GALNT7: variants seen among roughly 807,000 people sequenced by gnomAD.
GALNT7 encodes N-acetylgalactosaminyltransferase 7.
A neutral mutation model predicts 82.1 loss-of-function variants in GALNT7; 60 were observed. The observed-to-expected ratio is 0.73, with a 90% CI of 0.59 to 0.91. The LOEUF (loss-of-function observed/expected upper bound fraction) is 0.91, where lower values mean the gene tolerates loss of function less well. Ranked by LOEUF, GALNT7 falls within the 40% of genes least tolerant of loss-of-function variation. GALNT7 has a pLI of 0.00. For missense variants in GALNT7, 660 were observed against 804.2 expected, an observed-to-expected ratio of 0.82 and a Z score of 2.17; for synonymous variants, 243 against 275.1, an observed-to-expected ratio of 0.88 and a Z score of 1.15.
chr4:173,303,970 T>C, intron 7 of GALNT7, 26 bp from the exon 8 acceptor site: 1 of 1,587,296 alleles, frequency 6.3e-7, no homozygotes. Context: ...TTGAAACAAC[T>C]TTCACAACGT....
intron 1 of GALNT7, among the ~76,000 whole-genome samples, chr4:173,208,934 A>C (rs915387276): frequency 6.6e-5 from 10 of 152,140 alleles, no homozygotes; most frequent in African/African-American, 2.4e-4. Context: ...ACTTTTGTGA[A>C]TTACTTCTTA....
chr4:173,185,529 G>T (rs1732438244), intron 1 of GALNT7, among the ~76,000 whole-genome samples: 1 of 152,026 alleles, frequency 6.6e-6, no homozygotes, highest in East Asian at 1.9e-4. Flanking sequence ...AATAATACAG[G>T]TACTGCATTT....
intron 1 of GALNT7, among the ~76,000 whole-genome samples, chr4:173,186,204 T>C (rs1187299411): frequency 1.3e-5 from 2 of 152,236 alleles, no homozygotes; most frequent in African/African-American, 4.8e-5. Flanking sequence ...CTAAATGTTC[T>C]AGAGAAATTA....
At chr4:173,237,691 G>T (rs1215268137) in intron 1 of GALNT7, among the ~76,000 whole-genome samples, 1 of 150,666 alleles carries the variant, frequency 6.6e-6, no homozygotes. Flanking sequence ...GCTGGTATTA[G>T]ATTATAAAAT....
rs763567726 is a variant in GALNT7 at position 173,318,494 on chromosome 4, G to C, written c.1771G>C (p.Asp591His). Residue 591 changes from aspartate (D) to histidine (H), a missense_variant, in exon 11 of 12, where the codon GAT (aspartate) becomes CAT (histidine). Physicochemically the swap from Asp to His is moderately conservative, Grantham distance 81. This residue lies in a region of GALNT7 where 527 missense variants were observed against 683.5 expected (regional missense o/e 0.77). Transcript: ENST00000265000. ...TGACCAGTGTTTGACAAAGGGAGCT[G>C]ATGGATCAAAAGTTATGATTACACA... ...QYDQCLTKGA[D>H]GSKVMITHCN... is the part of the protein sequence containing the mutation. The C allele has an allele frequency of 6.3e-7, 1 of 1,586,202 alleles. No homozygotes were observed. The highest frequency in any genetic ancestry group is 8.7e-7 in the Non-Finnish European group (1 of 1,155,724).
chr4:173,190,296 G>T (rs930687822), intron 1 of GALNT7, among the ~76,000 whole-genome samples: 1 of 152,218 alleles, frequency 6.6e-6, no homozygotes, highest in Non-Finnish European at 1.5e-5. Flanking sequence ...TCACCTGTAC[G>T]TGTCACTTTC....
At position 173,246,983 on chromosome 4, in the gene GALNT7, T is replaced by A. The variant is rs142679934; in HGVS notation, c.127-997T>A. ...CTAATTATAACGAGCAGCCCTCCCA[T>A]TAAGCCAGTGATTCTCAGGCTTAGA... On this transcript the variant is annotated intron_variant, in intron 1 of 11. Coordinates refer to ENST00000265000, the MANE Select transcript of GALNT7 (RefSeq NM_017423.3). Among the ~76,000 whole-genome samples, 601 of 152,204 alleles carry A rather than the reference T, an allele frequency of 3.9e-3. 6 individuals are homozygous for A. The highest frequency in any genetic ancestry group is 0.014 in the African/African-American group (581 of 41,528).
intron 1 of GALNT7, among the ~76,000 whole-genome samples, chr4:173,178,070 C>A: frequency 6.8e-6 from 1 of 147,946 alleles, no homozygotes; most frequent in Non-Finnish European, 1.5e-5. Flanking sequence ...CGCGCGTGCG[C>A]ACAGACACCT....
chr4:173,170,322 A>G (rs1030028946), intron 1 of GALNT7, among the ~76,000 whole-genome samples: 1 of 152,202 alleles, frequency 6.6e-6, no homozygotes, highest in Non-Finnish European at 1.5e-5. Flanking sequence ...CATCGCTTCT[A>G]TGTCATGTTT....
rs1327510398 is a variant in GALNT7 at position 173,168,923 on chromosome 4, C to T, written c.88C>T (p.Pro30Ser). Reference sequence around the variant, plus strand: ...AGTGGTCCTCTGGTCTTCCCTGACCCCGCGGCCGGACGACCCAAGCCCGCT... The same window carrying T: ...AGTGGTCCTCTGGTCTTCCCTGACCTCGCGGCCGGACGACCCAAGCCCGCT... ...GLVVLWSSLT[P>S]RPDDPSPLSR... Residue 30 changes from proline to serine, a missense_variant, in exon 1 of 12, where the codon CCG becomes TCG. Around this residue, in one of 2 missense-constraint regions of GALNT7, gnomAD observed 133 missense variants for 120.7 expected, o/e 1.10. Transcript: ENST00000265000. 6 of 1,613,724 alleles carry T rather than the reference C, an allele frequency of 3.7e-6. No homozygotes were observed. The South Asian group carries it at 6.6e-5, about 18-fold the overall frequency.
intron 1 of GALNT7, among the ~76,000 whole-genome samples, chr4:173,197,063 CTTTTTTT>C (rs5864189): frequency 2.5e-5 from 3 of 117,946 alleles, no homozygotes; most frequent in Admixed American, 9.4e-5. Context: ...CTCTCTCTCC[CTTTTTTT>C]TTTTTTTTTT....
rs754635566 is a variant in GALNT7, at chr4:173,295,782, G to T, written c.904G>T (p.Ala302Ser). 1 of 1,607,028 alleles carries T rather than the reference G, an allele frequency of 6.2e-7. No individual in the cohort carries two copies. Among genetic ancestry groups the T allele is most frequent in the East Asian group, 2.2e-5 (1 of 44,812 alleles). ...KLGQVLIYLDAHCEVAVNWYA... is the reference protein window; with the variant it reads ...KLGQVLIYLDSHCEVAVNWYA... ...TTTTAAGGTTTTGATATACCTTGAT[G>T]CCCACTGTGAGGTGGCAGTTAACTG... is the stretch of plus-strand genomic sequence containing the variant. The change falls in exon 5 of 12, where the codon GCC (alanine) becomes TCC (serine). Residue 302 changes from alanine to serine, a missense_variant. Transcript: ENST00000265000.
chr4:173,321,774 A>G lies in GALNT7; in HGVS notation c.*57A>G. The G allele has an allele frequency of 8.0e-7, 1 of 1,245,052 alleles. No individual in the cohort carries two copies. The highest frequency in any genetic ancestry group is 1.2e-5 in the South Asian group (1 of 80,768). The allele number at this position is 1,245,052 out of a possible 1,614,324, so 77.1% of individuals were successfully genotyped here. On this transcript the variant is annotated 3_prime_UTR_variant, in exon 12 of 12. Coordinates refer to ENST00000265000, the MANE Select transcript of GALNT7 (RefSeq NM_017423.3). ...TGACAAGTAAATTTATACAGGACTG[A>G]AAACCGCCTGAAACCTGCTGCAACT... is the stretch of plus-strand genomic sequence containing the variant.
At chr4:173,221,415 A>G (rs1733640306) in intron 1 of GALNT7, among the ~76,000 whole-genome samples, 2 of 152,256 alleles carry the variant, frequency 1.3e-5, no homozygotes, top group Non-Finnish European at 2.9e-5. Flanking sequence ...CATGAATAAA[A>G]TGGAGAAGCA....
chr4:173,168,969 ACCCG>A lies in GALNT7; in HGVS notation c.126+13_126+16del. ...CCGCTGAGCAGGATGAGGGTGAGTG[ACCCG>A]CCCGGCCCCCTCCGGCGGCAGCGAC... On this transcript the variant is annotated intron_variant, in intron 1 of 11. Transcript: ENST00000265000. The A allele has an allele frequency of 6.2e-7, 1 of 1,610,064 alleles. No homozygotes were observed. The highest frequency in any genetic ancestry group is 8.5e-7 in the Non-Finnish European group (1 of 1,178,002).
intron 2 of GALNT7, among the ~76,000 whole-genome samples, chr4:173,269,504 T>C (rs1735642366): frequency 1.3e-5 from 2 of 152,162 alleles, no homozygotes; most frequent in South Asian, 4.1e-4. Flanking sequence ...GATTGGAATA[T>C]TTATTAGATT....
intron 1 of GALNT7, among the ~76,000 whole-genome samples, chr4:173,240,748 T>C (rs77386146): frequency 0.013 from 2,049 of 152,326 alleles, 25 homozygotes; most frequent in South Asian, 0.025. Flanking sequence ...TCAGTGTTTT[T>C]TATATACTAA....
chr4:173,299,703 G>C (rs146693961), intron 6 of GALNT7, among the ~76,000 whole-genome samples: 334 of 152,216 alleles, frequency 2.2e-3, no homozygotes, highest in African/African-American at 7.6e-3. Context: ...AAAATTAGCT[G>C]GGCGTGGTGG....
chr4:173,285,717 A>C (rs1357538900), intron 2 of GALNT7, among the ~76,000 whole-genome samples: 1 of 152,230 alleles, frequency 6.6e-6, no homozygotes, highest in Non-Finnish European at 1.5e-5. Context: ...ACACAGACAG[A>C]CAGAAGAAGA....
Sources: gnomAD v4.1 joint callset for allele counts (sites outside exome capture counted in the v4.1 genomes callset) on GRCh38, gnomAD v4.1.1 for gene constraint, gnomAD v4.1.1 regional missense constraint, MANE v1.5 for transcripts, NCBI Gene and HGNC (gene_info 2026-07-23, HGNC 2026-07-21) for gene names.